Variants in GLMN observed in about 807,000 individuals in gnomAD.
GLMN encodes glomulin, FKBP associated protein.
In GLMN, 75 loss-of-function variants were observed where a neutral mutation model predicts 87.8. That is an observed-to-expected ratio of 0.85 (90% confidence interval 0.71 to 1.04). The LOEUF (loss-of-function observed/expected upper bound fraction) is 1.04, where lower values mean the gene tolerates loss of function less well. Ranked by LOEUF, GLMN falls within the 50% of genes least tolerant of loss-of-function variation. The pLI, the probability that GLMN is intolerant of heterozygous loss-of-function variation, is 0.00. For synonymous variants in GLMN, 206 were observed against 221.6 expected (o/e 0.93, Z 0.63); for missense variants, 588 against 658.8 (o/e 0.89, Z 1.18).
intron 7 of GLMN, among the ~76,000 whole-genome samples, chr1:92,282,156 A>C (rs926725686): frequency 6.6e-6 from 1 of 152,218 alleles, no homozygotes; most frequent in Non-Finnish European, 1.5e-5. Flanking sequence ...TCCACACCAA[A>C]TCAACAGAAT....
chr1:92,257,245 TAA>T lies in GLMN; in HGVS notation c.1473+5616_1473+5617del, dbSNP rs1489210927. ...AACTACAAACCACCACTCAAAGAAATAAGAGAGGACACAAATGGAAAAACATT... is the reference window on the plus strand; with the variant it reads ...AACTACAAACCACCACTCAAAGAAATGAGAGGACACAAATGGAAAAACATT... On this transcript the variant is annotated intron_variant, in intron 16 of 18. Coordinates refer to ENST00000370360, the MANE Select transcript of GLMN (RefSeq NM_053274.3). Among the ~76,000 whole-genome samples the T allele has an allele frequency of 4.6e-5, 7 of 151,922 alleles. No individual in the cohort carries two copies. In the East Asian group the frequency reaches 5.8e-4, roughly 13 times the overall value.
At chr1:92,303,470 CTG>C (rs768074154), upstream of GLMN, among the ~76,000 whole-genome samples, 25 of 152,290 alleles carry the variant, frequency 1.6e-4, no homozygotes, top group Admixed American at 2.6e-4. Context: ...CCTCACCACT[CTG>C]TACAGATTTT....
intron 16 of GLMN, among the ~76,000 whole-genome samples, chr1:92,260,581 C>T (rs1387624741): frequency 6.6e-6 from 1 of 151,260 alleles, no homozygotes. Context: ...TGCCACTGCA[C>T]TCCAGCCTGG....
At chr1:92,336,504 A>C in the GLMN span, 11,623 of 963,716 alleles carry the variant, frequency 0.012, 888 homozygotes, top group African/African-American at 0.17. Context: ...AAAGGCACAG[A>C]GAAAGTAAGT....
chr1:92,348,923 C>T, the GLMN span, among the ~76,000 whole-genome samples: 107 of 152,174 alleles, frequency 7.0e-4, 1 homozygote, highest in Middle Eastern at 6.8e-3. Flanking sequence ...GGATAAATAG[C>T]CTTACAGTGA....
the GLMN span, among the ~76,000 whole-genome samples, chr1:92,365,676 G>A: frequency 2.0e-5 from 3 of 152,170 alleles, no homozygotes; most frequent in African/African-American, 7.2e-5. Flanking sequence ...AAGGAAGGGT[G>A]AATTAGAAAC....
chr1:92,320,524 C>T, the GLMN span: 6 of 1,196,424 alleles, frequency 5.0e-6, no homozygotes, highest in Non-Finnish European at 6.2e-6. Context: ...GCCTGCCCAG[C>T]CTCCGAAAGT....
At chr1:92,305,450 A>AAAAAAAAAAAAAAAG in the GLMN span, among the ~76,000 whole-genome samples, 1 of 141,852 alleles carries the variant, frequency 7.0e-6, no homozygotes, top group Non-Finnish European at 1.5e-5. Context: ...AAAAAAAAAA[A>AAAAAAAAAAAAAAAG]AGACAATATG....
At chr1:92,369,997 GC>G in the GLMN span, among the ~76,000 whole-genome samples, 1 of 152,174 alleles carries the variant, frequency 6.6e-6, no homozygotes, top group South Asian at 2.1e-4. Context: ...TGATTCTTGT[GC>G]CTCATCCTCC....
the GLMN span, chr1:92,320,492 C>T: frequency 8.9e-6 from 7 of 783,786 alleles, no homozygotes; most frequent in African/African-American, 1.7e-5. Context: ...AGGATGGTCT[C>T]AATCTCCTGA....
At chr1:92,369,809 A>T in the GLMN span, among the ~76,000 whole-genome samples, 1 of 152,220 alleles carries the variant, frequency 6.6e-6, no homozygotes, top group Admixed American at 6.5e-5. Context: ...AGAAAAAGAG[A>T]GGAAGCAGGT....
At chr1:92,297,361 T>A in intron 3 of GLMN, 43 bp downstream of exon 3, 2 of 1,606,540 alleles carry the variant, frequency 1.2e-6, no homozygotes, top group Non-Finnish European at 1.7e-6. Flanking sequence ...ATGTGATTAT[T>A]CTCTTCCCAA....
chr1:92,297,280 C>T, intron 3 of GLMN, 124 bp downstream of exon 3: 7 of 1,310,112 alleles, frequency 5.3e-6, no homozygotes, highest in Admixed American at 1.9e-5. Flanking sequence ...TTTTTGTTTT[C>T]AGTTCCCTAC....
chr1:92,288,287 A>C (rs920658328), intron 6 of GLMN, among the ~76,000 whole-genome samples: 6 of 152,068 alleles, frequency 3.9e-5, no homozygotes, highest in African/African-American at 1.4e-4. Context: ...TTCTCCACAG[A>C]GCTACCTATA....
intron 7 of GLMN, among the ~76,000 whole-genome samples, chr1:92,274,715 C>T (rs946478535): frequency 6.6e-6 from 1 of 152,176 alleles, no homozygotes; most frequent in African/African-American, 2.4e-5. Context: ...AGTACCTAAT[C>T]CCATGCTGGA....
the GLMN span, chr1:92,333,268 C>T: frequency 4.4e-6 from 3 of 688,472 alleles, no homozygotes; most frequent in South Asian, 2.0e-5. Flanking sequence ...ATTCTCAAGT[C>T]TAGTTATTTT....
At chr1:92,330,781 G>A in the GLMN span, among the ~76,000 whole-genome samples, 3 of 152,022 alleles carry the variant, frequency 2.0e-5, no homozygotes, top group African/African-American at 4.8e-5. Flanking sequence ...AAAACTTTTT[G>A]TTATGGAAAT....
At chr1:92,330,504 A>G in the GLMN span, among the ~76,000 whole-genome samples, 2 of 127,646 alleles carry the variant, frequency 1.6e-5, no homozygotes, top group African/African-American at 3.1e-5. Flanking sequence ...CTGGAGTGCA[A>G]TGGTGCCATC....
chr1:92,286,211 A>G (rs116786107), intron 7 of GLMN, among the ~76,000 whole-genome samples: 2,116 of 151,130 alleles, frequency 0.014, 49 homozygotes, highest in African/African-American at 0.048. Context: ...TGAAGAGGAA[A>G]AAGGTAGATT....
Sources: allele counts gnomAD v4.1 joint callset (sites outside exome capture counted in the v4.1 genomes callset), GRCh38; gene constraint gnomAD v4.1.1; transcripts MANE v1.5; gene names NCBI Gene and HGNC (gene_info 2026-07-23, HGNC 2026-07-21).